The following ARAP2 variants were observed in gnomAD, a reference collection of about 807,000 sequenced individuals.
ARAP2 encodes the protein ArfGAP with RhoGAP domain, ankyrin repeat and PH domain 2.
In ARAP2, 148 loss-of-function variants were observed where a neutral mutation model predicts 194.5. The ratio of observed to expected loss-of-function variants is 0.76; its 90% CI spans 0.67 to 0.87. The LOEUF (loss-of-function observed/expected upper bound fraction) is 0.87, where lower values mean the gene tolerates loss of function less well. Ranked by LOEUF, ARAP2 falls within the 40% of genes least tolerant of loss-of-function variation. ARAP2 has a pLI of 0.00. For missense variants in ARAP2, 2,128 were observed against 1,989.7 expected, an observed-to-expected ratio of 1.07 and a Z score of -1.32; for synonymous variants, 695 against 683.5, an observed-to-expected ratio of 1.02 and a Z score of -0.26.
intron 6 of ARAP2, among the ~76,000 whole-genome samples, chr4:36,202,532 C>T (rs1744592645): frequency 6.6e-6 from 1 of 151,310 alleles, no homozygotes; most frequent in Non-Finnish European, 1.5e-5. Flanking sequence ...ATTCTAGGGG[C>T]TAAAAAGATT....
chr4:36,039,474 C>T (rs1403366344), intron 5 of ARAP2, among the ~76,000 whole-genome samples: 1 of 152,160 alleles, frequency 6.6e-6, no homozygotes, highest in Non-Finnish European at 1.5e-5. Context: ...GGCGGTTAAC[C>T]TATCTGGGTC....
At chr4:36,162,059 G>C (rs180994016) in intron 11 of ARAP2, among the ~76,000 whole-genome samples, 125 of 148,176 alleles carry the variant, frequency 8.4e-4, no homozygotes, top group Admixed American at 3.1e-3. Context: ...AGTGAGCCCA[G>C]ATCTTGCCAC....
At chr4:36,094,385 T>C (rs984618613) in intron 27 of ARAP2, among the ~76,000 whole-genome samples, 2 of 152,144 alleles carry the variant, frequency 1.3e-5, no homozygotes, top group Non-Finnish European at 2.9e-5. Context: ...AAACATTAAC[T>C]CTAGGCCTTT....
rs1456526664 is a variant in ARAP2 at position 36,124,896 on chromosome 4, C to T, written c.3712G>A (p.Ala1238Thr). ...FIRSLPGVNR[A>T]TLAAIIEHLY... is the part of the protein sequence containing the mutation. Reference sequence around the variant, plus strand: ...TGTTCAATGATAGCTGCTAGTGTTGCTCGGTTGACCCCTGGAAGAGAACGT... The same window carrying T: ...TGTTCAATGATAGCTGCTAGTGTTGTTCGGTTGACCCCTGGAAGAGAACGT... Residue 1238 changes from alanine (A) to threonine (T), a missense_variant, in exon 22 of 33, where the codon GCA becomes ACA. Physicochemically the swap from Ala to Thr is moderately conservative, Grantham distance 58 (BLOSUM62 0). Transcript: ENST00000303965. 6.2e-7 allele frequency: 1 copy of T among 1,611,010 alleles called. No homozygotes were observed. The highest frequency in any genetic ancestry group is 1.1e-5 in the South Asian group (1 of 90,818).
chr4:36,119,761 CG>C, intron 23 of ARAP2, 43 bp from the exon 24 acceptor site: 1 of 1,374,124 alleles, frequency 7.3e-7, no homozygotes, highest in South Asian at 1.2e-5. Context: ...ATGTAGAATA[CG>C]AAGAGTGATG....
At chr4:36,017,565 A>AAAAAAAAAAAAAAG (rs1716079221) in intron 6 of ARAP2, among the ~76,000 whole-genome samples, 1 of 42,768 alleles carries the variant, frequency 2.3e-5, no homozygotes, top group Non-Finnish European at 4.6e-5. Context: ...AGAAAGTGGT[A>AAAAAAAAAAAAAAG]AAAAAAAAAA....
At chr4:36,136,942 A>G (rs753181921) in intron 19 of ARAP2, among the ~76,000 whole-genome samples, 249 of 150,882 alleles carry the variant, frequency 1.7e-3, no homozygotes, top group East Asian at 7.5e-3. Context: ...GCACACACAC[A>G]CACACACACA....
At chr4:36,100,869 A>T (rs1006838176) in intron 27 of ARAP2, among the ~76,000 whole-genome samples, 1 of 151,912 alleles carries the variant, frequency 6.6e-6, no homozygotes, top group Admixed American at 6.6e-5. Context: ...AAAGTAATCT[A>T]TTTCTTAGGA....
chr4:36,162,855 G>A (rs1734415305), intron 11 of ARAP2, among the ~76,000 whole-genome samples: 1 of 152,094 alleles, frequency 6.6e-6, no homozygotes, highest in Non-Finnish European at 1.5e-5. Context: ...AAGATAAAAT[G>A]AATGAGACTT....
chr4:36,113,544 C>G (rs1353163921), intron 26 of ARAP2, among the ~76,000 whole-genome samples: 1 of 151,878 alleles, frequency 6.6e-6, no homozygotes, highest in Non-Finnish European at 1.5e-5. Context: ...TGTCCCAAGA[C>G]CTTAGTAGGT....
chr4:36,127,408 T>C (rs1402198707), intron 21 of ARAP2, among the ~76,000 whole-genome samples: 2 of 152,028 alleles, frequency 1.3e-5, no homozygotes, highest in African/African-American at 4.8e-5. Context: ...AGTTATATCG[T>C]GAGAAGCTTT....
intron 27 of ARAP2, among the ~76,000 whole-genome samples, chr4:36,100,234 G>A (rs371702785): frequency 2.6e-5 from 4 of 152,130 alleles, no homozygotes; most frequent in African/African-American, 7.2e-5. Flanking sequence ...TTAGCCCAGC[G>A]CACATAGTAA....
At chr4:36,234,550 A>G (rs530832276) in intron 1 of ARAP2, among the ~76,000 whole-genome samples, 1 of 152,356 alleles carries the variant, frequency 6.6e-6, no homozygotes, top group African/African-American at 2.4e-5. Flanking sequence ...AGTGTAATAT[A>G]AATGCCAAGA....
intron 29 of ARAP2, 123 bp from the exon 30 acceptor site, chr4:36,082,409 GGTGATTCAATGT>G (rs1577793564): frequency 2.1e-6 from 2 of 973,776 alleles, no homozygotes; most frequent in East Asian, 5.3e-5. Flanking sequence ...TTCCACAAGT[GGTGATTCAATGT>G]GTTGGACTTA....
intron 1 of ARAP2, among the ~76,000 whole-genome samples, chr4:36,237,395 T>C (rs1442463218): frequency 6.6e-6 from 1 of 152,186 alleles, no homozygotes; most frequent in Non-Finnish European, 1.5e-5. Flanking sequence ...CCAAATTTCA[T>C]GTGGAAATGT....
chr4:36,143,962 T>C (rs999440223), intron 19 of ARAP2, among the ~76,000 whole-genome samples: 3 of 151,884 alleles, frequency 2.0e-5, no homozygotes, highest in Non-Finnish European at 4.4e-5. Flanking sequence ...ATCTCCTGAT[T>C]TCTGCAGTCC....
At position 36,121,153 on chromosome 4, in the gene ARAP2, A is replaced by C. The variant is rs765565048; in HGVS notation, c.3894+26T>G. ...AAACAGTGACATTATAACCATTTTA[A>C]CAAGGGCAGGATACAAAATAATTAC... On this transcript the variant is annotated intron_variant, in intron 23 of 32. Transcript: ENST00000303965. The C allele has an allele frequency of 5.2e-6, 8 of 1,534,292 alleles. No homozygotes were observed. The African/African-American group carries it at 5.5e-5, about 11-fold the overall frequency.
chr4:36,156,080 G>A (rs1178451329), intron 15 of ARAP2, among the ~76,000 whole-genome samples: 1 of 151,806 alleles, frequency 6.6e-6, no homozygotes, highest in African/African-American at 2.4e-5. Context: ...TTAGGAGTTC[G>A]AGACCAGCCT....
chr4:36,195,085 T>A (rs1459377967), intron 6 of ARAP2, among the ~76,000 whole-genome samples: 1 of 152,120 alleles, frequency 6.6e-6, no homozygotes, highest in East Asian at 1.9e-4. Context: ...AAGGATCATT[T>A]GAGCCCAGGA....
Sources: allele counts gnomAD v4.1 joint callset (sites outside exome capture counted in the v4.1 genomes callset), GRCh38; gene constraint gnomAD v4.1.1; transcripts MANE v1.5; gene names NCBI Gene and HGNC (gene_info 2026-07-23, HGNC 2026-07-21).